The following CUX2 variants were observed in gnomAD, a reference collection of about 807,000 sequenced individuals.
CUX2 encodes the protein cut like homeobox 2.
CUX2 carries 40 observed loss-of-function variants against 144.8 expected under a neutral mutation model. That is an observed-to-expected ratio of 0.28 (90% CI 0.21 to 0.36). The LOEUF (loss-of-function observed/expected upper bound fraction) is 0.36. Among genes scored for constraint, CUX2 ranks in the 10% least tolerant of loss-of-function variants. The probability of loss-of-function intolerance (pLI) is 1.00; values close to 1 mark genes in which losing one functional copy is unlikely to be tolerated. For missense variants in CUX2, 1,615 were observed against 1,994.0 expected (o/e 0.81, Z 3.62); for synonymous variants, 827 against 875.6 (o/e 0.94, Z 0.98).
chr12:111,231,086 G>GT (rs1882443382), intron 3 of CUX2, among the ~76,000 whole-genome samples: 1 of 152,068 alleles, frequency 6.6e-6, no homozygotes, highest in Non-Finnish European at 1.5e-5. Flanking sequence ...ATTTTTAAGT[G>GT]TACAGTTCAA....
chr12:111,304,174 G>C lies in CUX2; in HGVS notation c.754-36G>C. ...GGGAGAAGGTGGAAGTGCAGAGTGG[G>C]CTCACCTCTCGCCCACACTGTCCCC... On this transcript the variant is annotated intron_variant, in intron 9 of 21. Transcript: ENST00000261726. This position sits in a 1 kb window ranked among gnomAD's most constrained non-coding sequence, Gnocchi z 4.7. 6.5e-7 allele frequency: 1 copy of C among 1,548,182 alleles called. No homozygotes were observed. Among genetic ancestry groups the C allele is most frequent in the South Asian group, 1.1e-5 (1 of 86,986 alleles).
At chr12:111,337,315 T>C (rs1565930903) in intron 19 of CUX2, among the ~76,000 whole-genome samples, 1 of 148,066 alleles carries the variant, frequency 6.8e-6, no homozygotes, top group Non-Finnish European at 1.5e-5. Context: ...ATCACACCAC[T>C]GCACTCCAGC....
chr12:111,323,928 C>T (rs1269661388), intron 18 of CUX2, among the ~76,000 whole-genome samples: 1 of 151,964 alleles, frequency 6.6e-6, no homozygotes, highest in Non-Finnish European at 1.5e-5. Flanking sequence ...TAGCATGTGC[C>T]TGTAAGGGTG....
At chr12:111,230,959 C>G (rs1057501198) in intron 3 of CUX2, among the ~76,000 whole-genome samples, 13 of 152,146 alleles carry the variant, frequency 8.5e-5, no homozygotes, top group Non-Finnish European at 1.8e-4. Flanking sequence ...AGAGCACAGA[C>G]AGCAGTGGAA....
At chr12:111,149,544 C>T (rs1418526527) in intron 1 of CUX2, among the ~76,000 whole-genome samples, 2 of 152,150 alleles carry the variant, frequency 1.3e-5, no homozygotes, top group Non-Finnish European at 2.9e-5. Context: ...CCAAAAATGT[C>T]TCCAGATGTT....
At chr12:111,251,505 T>C (rs763164262) in intron 3 of CUX2, among the ~76,000 whole-genome samples, 1 of 152,110 alleles carries the variant, frequency 6.6e-6, no homozygotes, top group Non-Finnish European at 1.5e-5. Flanking sequence ...CCATTGCTTG[T>C]GGGACATTTC....
At chr12:111,249,421 T>TA (rs1883446310) in intron 3 of CUX2, among the ~76,000 whole-genome samples, 5 of 149,684 alleles carry the variant, frequency 3.3e-5, no homozygotes, top group Admixed American at 2.0e-4. Context: ...TTTTTTTTTT[T>TA]TTAAATTAAT....
intron 1 of CUX2, among the ~76,000 whole-genome samples, chr12:111,069,769 C>A (rs1871184789): frequency 6.6e-6 from 1 of 152,146 alleles, no homozygotes; most frequent in Non-Finnish European, 1.5e-5. Flanking sequence ...GTCATGATCT[C>A]ATTTTTACCT....
At chr12:111,104,281 A>G (rs1873451653) in intron 1 of CUX2, among the ~76,000 whole-genome samples, 1 of 152,314 alleles carries the variant, frequency 6.6e-6, no homozygotes, top group African/African-American at 2.4e-5. Flanking sequence ...CTCACATAGT[A>G]TAAAAAACAG....
chr12:111,145,012 G>T (rs745781312), intron 1 of CUX2, among the ~76,000 whole-genome samples: 1 of 152,164 alleles, frequency 6.6e-6, no homozygotes, highest in African/African-American at 2.4e-5. Context: ...GACGCAGCTT[G>T]GCCTCCATCT....
At chr12:111,108,456 T>C (rs1325789665) in intron 1 of CUX2, among the ~76,000 whole-genome samples, 1 of 152,254 alleles carries the variant, frequency 6.6e-6, no homozygotes, top group Non-Finnish European at 1.5e-5. Context: ...GCTATGGTGT[T>C]TGCCAAATGG....
chr12:111,132,804 G>A (rs1208187183), intron 1 of CUX2, among the ~76,000 whole-genome samples: 4 of 152,030 alleles, frequency 2.6e-5, no homozygotes, highest in African/African-American at 7.2e-5. Context: ...CTGACCTCAG[G>A]TGATGCGCCT....
rs1461075390 is a variant in CUX2 at position 111,295,249 on chromosome 12, A to G, written c.561-84A>G. 1.6e-6 allele frequency: 2 copies of G among 1,230,596 alleles called. No individual in the cohort carries two copies. Among genetic ancestry groups the G allele is most frequent in the South Asian group, 1.3e-5 (1 of 75,710 alleles). 76.2% of individuals were successfully genotyped at this position (1,230,596 alleles called of 1,614,324 possible). ...AGGTTACAGGGAGTGGGCAAGGGGT[A>G]GGAAGCAAGATGGGGCTCGACTCGG... On this transcript the variant is annotated intron_variant, in intron 6 of 21. Coordinates refer to ENST00000261726, the MANE Select transcript of CUX2 (RefSeq NM_015267.4). The surrounding 1 kb of genome is among the most constrained non-coding windows in gnomAD (Gnocchi z 5.0).
At chr12:111,212,610 G>T (rs1381471794) in intron 1 of CUX2, among the ~76,000 whole-genome samples, 1 of 152,208 alleles carries the variant, frequency 6.6e-6, no homozygotes, top group Non-Finnish European at 1.5e-5. Context: ...CTCCCAAAGT[G>T]CTGAGATTAC....
chr12:111,045,361 C>T (rs1046732206), intron 1 of CUX2, among the ~76,000 whole-genome samples: 2 of 152,170 alleles, frequency 1.3e-5, no homozygotes, highest in African/African-American at 4.8e-5. Flanking sequence ...CATTATTCAG[C>T]CCCAGCTATG....
At chr12:111,053,910 T>C (rs904569136) in intron 1 of CUX2, among the ~76,000 whole-genome samples, 25 of 152,248 alleles carry the variant, frequency 1.6e-4, no homozygotes, top group Admixed American at 3.9e-4. Flanking sequence ...ATCCTAACGC[T>C]TTGGGAGGCC....
chr12:111,341,257 G>A (rs1422409764), intron 20 of CUX2, among the ~76,000 whole-genome samples: 1 of 152,056 alleles, frequency 6.6e-6, no homozygotes, highest in African/African-American at 2.4e-5. Flanking sequence ...TTGTGCCACT[G>A]CATTCCAACC....
chr12:111,058,734 G>A (rs748627260), intron 1 of CUX2, among the ~76,000 whole-genome samples: 6 of 152,104 alleles, frequency 3.9e-5, no homozygotes, highest in Non-Finnish European at 8.8e-5. Context: ...AAGATCTCAC[G>A]CAAGAAAGAA....
At chr12:111,228,417 T>G (rs1049928745) in intron 3 of CUX2, among the ~76,000 whole-genome samples, 2 of 151,252 alleles carry the variant, frequency 1.3e-5, no homozygotes, top group African/African-American at 2.4e-5. Context: ...AAAACTATGG[T>G]GTGTGTGTGT....
Sources: gnomAD v4.1 joint callset for allele counts (sites outside exome capture counted in the v4.1 genomes callset) on GRCh38, gnomAD v4.1.1 for gene constraint, Gnocchi (gnomAD v3.1) non-coding constraint, MANE v1.5 for transcripts, NCBI Gene and HGNC (gene_info 2026-07-23, HGNC 2026-07-21) for gene names.